Variants in RPSA2 observed in about 807,000 individuals in gnomAD.
RPSA2 encodes small ribosomal subunit protein uS2B.
At chr19:23,861,676 G>A in the RPSA2 span, among the ~76,000 whole-genome samples, 2 of 152,054 alleles carry the variant, frequency 1.3e-5, no homozygotes, top group Non-Finnish European at 2.9e-5. Context: ...CATGACCTCT[G>A]CAAGCCCCTC....
At chr19:23,805,656 G>A in the RPSA2 span, among the ~76,000 whole-genome samples, 3 of 152,134 alleles carry the variant, frequency 2.0e-5, no homozygotes, top group African/African-American at 7.2e-5. Flanking sequence ...TAATTCTAGA[G>A]GAGGAGGAGA....
At chr19:23,776,849 A>G in the RPSA2 span, among the ~76,000 whole-genome samples, 1 of 152,102 alleles carries the variant, frequency 6.6e-6, no homozygotes, top group Non-Finnish European at 1.5e-5. Context: ...CACAGGGGGC[A>G]TTGTAACATA....
the RPSA2 span, among the ~76,000 whole-genome samples, chr19:23,761,831 ACCCTGGAATAGC>A: frequency 2.6e-5 from 4 of 151,618 alleles, no homozygotes; most frequent in East Asian, 3.9e-4. Context: ...CGGCACAATT[ACCCTGGAATAGC>A]CACTTCACAT....
At chr19:23,769,546 G>A in the RPSA2 span, among the ~76,000 whole-genome samples, 2 of 152,206 alleles carry the variant, frequency 1.3e-5, no homozygotes, top group African/African-American at 4.8e-5. Context: ...GTTTCACCAT[G>A]TTGGCCAGGC....
the RPSA2 span, among the ~76,000 whole-genome samples, chr19:23,840,323 C>T: frequency 1.1e-4 from 17 of 152,174 alleles, no homozygotes; most frequent in Non-Finnish European, 1.9e-4. Flanking sequence ...TCTCTCCATC[C>T]AGGCTTCTTA....
At chr19:23,807,482 C>G in the RPSA2 span, among the ~76,000 whole-genome samples, 4 of 152,132 alleles carry the variant, frequency 2.6e-5, no homozygotes, top group Non-Finnish European at 4.4e-5. Context: ...ATGTAAAGAA[C>G]TATGTCTTTT....
chr19:23,837,447 C>A, the RPSA2 span, among the ~76,000 whole-genome samples: 1 of 151,540 alleles, frequency 6.6e-6, no homozygotes, highest in African/African-American at 2.4e-5. Flanking sequence ...CTTACTTTGG[C>A]TATATGGGCT....
chr19:23,798,679 A>G, the RPSA2 span, among the ~76,000 whole-genome samples: 2 of 152,112 alleles, frequency 1.3e-5, no homozygotes, highest in Non-Finnish European at 2.9e-5. Context: ...CTAATATCCA[A>G]AGAAATTTTA....
chr19:23,844,661 T>C, the RPSA2 span, among the ~76,000 whole-genome samples: 1 of 151,274 alleles, frequency 6.6e-6, no homozygotes, highest in Admixed American at 6.6e-5. Context: ...TTATTTGCTG[T>C]GCAAAAACTT....
the RPSA2 span, among the ~76,000 whole-genome samples, chr19:23,819,933 G>A: frequency 1.3e-5 from 2 of 152,190 alleles, no homozygotes; most frequent in Admixed American, 6.5e-5. Context: ...TCTTGGCTAT[G>A]AATGCTGGTC....
the RPSA2 span, among the ~76,000 whole-genome samples, chr19:23,841,855 T>A: frequency 2.0e-5 from 3 of 152,348 alleles, no homozygotes; most frequent in Non-Finnish European, 4.4e-5. Flanking sequence ...CCAAACTTAC[T>A]GAGTCAGGCT....
the RPSA2 span, among the ~76,000 whole-genome samples, chr19:23,792,567 C>CCA: frequency 2.0e-5 from 3 of 151,130 alleles, no homozygotes; most frequent in Non-Finnish European, 2.9e-5. Flanking sequence ...AAAGTAGCAA[C>CCA]TAAGTTTTTT....
At chr19:23,768,596 C>CT in the RPSA2 span, among the ~76,000 whole-genome samples, 2 of 6,864 alleles carry the variant, frequency 2.9e-4, no homozygotes, top group African/African-American at 6.0e-4. Flanking sequence ...TTTTTTTTTT[C>CT]TTTTTTTTTG....
At chr19:23,851,113 G>A in the RPSA2 span, among the ~76,000 whole-genome samples, 2 of 152,138 alleles carry the variant, frequency 1.3e-5, no homozygotes, top group Non-Finnish European at 2.9e-5. Context: ...TTGGCAAGTA[G>A]CCCAAATAAA....
the RPSA2 span, among the ~76,000 whole-genome samples, chr19:23,845,938 A>T: frequency 1.3e-5 from 2 of 152,038 alleles, no homozygotes; most frequent in African/African-American, 4.8e-5. Flanking sequence ...TATAATTTTG[A>T]TTTTTGGGAG....
At chr19:23,781,007 C>T in the RPSA2 span, among the ~76,000 whole-genome samples, 2 of 152,320 alleles carry the variant, frequency 1.3e-5, no homozygotes, top group South Asian at 4.1e-4. Context: ...GACAGTCTCG[C>T]TCTGTCACCC....
chr19:23,762,360 C>T, the RPSA2 span, among the ~76,000 whole-genome samples: 1 of 151,838 alleles, frequency 6.6e-6, no homozygotes, highest in African/African-American at 2.4e-5. Context: ...AGGTCTTTCC[C>T]GCATTATGAA....
At chr19:23,798,955 T>G in the RPSA2 span, 1 of 152,180 alleles carries the variant, frequency 6.6e-6, no homozygotes, top group Non-Finnish European at 1.5e-5. Flanking sequence ...TTGTCAGATA[T>G]ATTTGAATAT....
the RPSA2 span, among the ~76,000 whole-genome samples, chr19:23,866,189 G>A: frequency 1.3e-5 from 2 of 152,192 alleles, no homozygotes; most frequent in African/African-American, 2.4e-5. Flanking sequence ...TCCTGAAGAG[G>A]GAGTTACAGT....
Sources: allele counts gnomAD v4.1 joint callset (sites outside exome capture counted in the v4.1 genomes callset), GRCh38; gene constraint gnomAD v4.1.1; transcripts MANE v1.5; gene names NCBI Gene and HGNC (gene_info 2026-07-23, HGNC 2026-07-21).